The following PSMC5 variants were observed in gnomAD, a reference collection of about 807,000 sequenced individuals.
PSMC5 encodes 26S proteasome regulatory subunit 8.
Under a neutral mutation model 49.1 loss-of-function variants are expected in PSMC5, and 11 were observed. That is an observed-to-expected ratio of 0.22 (90% CI 0.14 to 0.37). PSMC5 has a LOEUF of 0.37. PSMC5 is among the 10% of genes least tolerant of loss of function. The probability of loss-of-function intolerance (pLI) is 1.00; values close to 1 mark genes in which losing one functional copy is unlikely to be tolerated. For synonymous variants in PSMC5, 206 were observed against 192.2 expected, an observed-to-expected ratio of 1.07 and a Z score of -0.59; for missense variants, 229 against 520.9, an observed-to-expected ratio of 0.44 and a Z score of 5.45.
intron 3 of PSMC5, 139 bp from the exon 4 acceptor site, chr17:63,829,713 T>C: frequency 8.3e-7 from 1 of 1,211,806 alleles, no homozygotes; most frequent in Non-Finnish European, 1.2e-6. Context: ...CTGAGCCCTA[T>C]TGTAGCCTCC....
At chr17:63,829,430 C>T in intron 2 of PSMC5, 64 bp from the exon 3 acceptor site, 1 of 1,491,358 alleles carries the variant, frequency 6.7e-7, no homozygotes, top group Admixed American at 2.0e-5. Flanking sequence ...AGGTCTTGGC[C>T]AAGATCCTAC....
At position 63,830,976 on chromosome 17, in the gene PSMC5, A is replaced by T; in HGVS notation, c.679+41A>T. The T allele has an allele frequency of 1.2e-6, 2 of 1,612,954 alleles. No individual in the cohort carries two copies. Among genetic ancestry groups the T allele is most frequent in the Non-Finnish European group, 1.7e-6 (2 of 1,179,266 alleles). ...AATGTGAGAAGCAAGAGGTAGGGGTAGGGGGTTAGAGAGCTAATAAGCTAA... is the reference window on the plus strand; with the variant it reads ...AATGTGAGAAGCAAGAGGTAGGGGTTGGGGGTTAGAGAGCTAATAAGCTAA... On this transcript the variant is annotated intron_variant, in intron 7 of 11. Transcript: ENST00000310144. This position sits in a 1 kb window ranked among gnomAD's most constrained non-coding sequence, Gnocchi z 4.0.
Position 63,829,892 on chromosome 17 carries a change from G to C in PSMC5, c.207G>C (p.Gln69His), listed in dbSNP as rs751301920. ...AGGAGCTACAGCTGCTGCAGGAGCAGGGCTCCTATGTGGGGGAAGTAGTCC... is the reference window on the plus strand; with the variant it reads ...AGGAGCTACAGCTGCTGCAGGAGCACGGCTCCTATGTGGGGGAAGTAGTCC... ...LREELQLLQE[Q>H]GSYVGEVVRA... The change falls in exon 4 of 12, where the codon CAG (glutamine) becomes CAC (histidine). Residue 69 changes from glutamine (Q) to histidine (H), a missense_variant. Gln to His is a conservative substitution (Grantham distance 24, BLOSUM62 0). Coordinates refer to ENST00000310144, the MANE Select transcript of PSMC5 (RefSeq NM_002805.6). The C allele has an allele frequency of 6.2e-7, 1 of 1,614,032 alleles. No individual in the cohort carries two copies. The highest frequency in any genetic ancestry group is 8.5e-7 in the Non-Finnish European group (1 of 1,179,946).
chr17:63,829,631 C>A, intron 3 of PSMC5, 68 bp downstream of exon 3: 1 of 1,463,154 alleles, frequency 6.8e-7, no homozygotes, highest in Non-Finnish European at 9.4e-7. Flanking sequence ...TCTCCCTGCA[C>A]TGTGTCTTCA....
rs758535750 is a variant in PSMC5, at chr17:63,831,127, G to A, written c.771G>A (p.Ser257=). ...ACGAAATCGACTCCATCGGCTCCTC[G>A]CGGCTGGAGGGGGGTTCTGGAGGGG... The part of the protein sequence containing the change: ...FMDEIDSIGS[S]RLEGGSGGDS... The change falls in exon 8 of 12, where the codon TCG becomes TCA. Residue 257 remains serine, a synonymous_variant. Coordinates refer to ENST00000310144, the MANE Select transcript of PSMC5 (RefSeq NM_002805.6). The surrounding 1 kb of genome is among the most constrained non-coding windows in gnomAD (Gnocchi z 6.3). 17 of 1,567,504 alleles carry A rather than the reference G, an allele frequency of 1.1e-5. 1 individual carries two copies. The highest frequency in any genetic ancestry group is 3.4e-4 in the Middle Eastern group (2 of 5,840).
In PSMC5 at chr17:63,831,007, T is replaced by C; in HGVS notation, c.680-29T>C. ...TTAGAGAGCTAATAAGCTAATAAGC[T>C]CCCTAACACCAGCTCGGCCTCCACA... On this transcript the variant is annotated intron_variant, in intron 7 of 11. Transcript: ENST00000310144. The surrounding 1 kb of genome is among the most constrained non-coding windows in gnomAD (Gnocchi z 6.3). 6.2e-7 allele frequency: 1 copy of C among 1,602,206 alleles called. No individual in the cohort carries two copies. The highest frequency in any genetic ancestry group is 8.5e-7 in the Non-Finnish European group (1 of 1,173,030).
At chr17:63,827,834 A>G (rs1289396605) in intron 1 of PSMC5, 1 of 1,429,214 alleles carries the variant, frequency 7.0e-7, no homozygotes, top group Non-Finnish European at 9.1e-7. Context: ...GTCAGTACTG[A>G]CACCTCGGGC....
chr17:63,829,427 G>C, intron 2 of PSMC5, 67 bp from the exon 3 acceptor site: 1 of 1,462,108 alleles, frequency 6.8e-7, no homozygotes. Context: ...GTGAGGTCTT[G>C]GCCAAGATCC....
rs751480175 is a variant in PSMC5, at chr17:63,831,499, T to C, written c.970-7T>C. 2.5e-6 allele frequency: 4 copies of C among 1,613,858 alleles called. No homozygotes were observed. In the African/African-American group the frequency reaches 5.3e-5, roughly 22 times the overall value. Reference sequence around the variant, plus strand: ...GTGGGGCTCAGGCTTTTCCTTGCCATCTCCAGGCCCGGCTGGACATTTTGA... The same window carrying C: ...GTGGGGCTCAGGCTTTTCCTTGCCACCTCCAGGCCCGGCTGGACATTTTGA... On this transcript the variant is annotated splice_polypyrimidine_tract_variant and splice_region_variant and intron_variant, in intron 9 of 11. Coordinates refer to ENST00000310144, the MANE Select transcript of PSMC5 (RefSeq NM_002805.6). The surrounding 1 kb of genome is among the most constrained non-coding windows in gnomAD (Gnocchi z 6.3).
In PSMC5 at chr17:63,828,310, G is replaced by A; in HGVS notation, c.96+101G>A. On this transcript the variant is annotated intron_variant, in intron 2 of 11. Transcript: ENST00000310144. ...TTCCTTTGGGAGTGCAGTGGAAGAA[G>A]CTGCTGCTTCTCCTTTCTTGTTTGT... 6.0e-6 allele frequency: 7 copies of A among 1,165,006 alleles called. No individual in the cohort carries two copies. The South Asian group carries it at 8.4e-5, about 14-fold the overall frequency. 72.2% of individuals were successfully genotyped at this position (1,165,006 alleles called of 1,614,324 possible). A position where few individuals can be genotyped will look rare whatever the true frequency, so the allele number is the denominator to read the frequency against.
chr17:63,831,994 T>C lies in PSMC5; in HGVS notation c.*25T>C. 3.1e-6 allele frequency: 5 copies of C among 1,606,902 alleles called. No individual in the cohort carries two copies. Among genetic ancestry groups the C allele is most frequent in the Non-Finnish European group, 3.4e-6 (4 of 1,173,468 alleles). ...AGTGGACAGCCTTTGTGTGTATCTC[T>C]CCAATAAAGCTCTGTGGGCCAAGTC... On this transcript the variant is annotated 3_prime_UTR_variant, in exon 12 of 12. Coordinates refer to ENST00000310144, the MANE Select transcript of PSMC5 (RefSeq NM_002805.6). This position sits in a 1 kb window ranked among gnomAD's most constrained non-coding sequence, Gnocchi z 6.3.
chr17:63,829,981 G>A, intron 4 of PSMC5, 32 bp downstream of exon 4: 4 of 1,586,088 alleles, frequency 2.5e-6, no homozygotes, highest in South Asian at 1.2e-5. Flanking sequence ...GGACCAGCTC[G>A]GTCTCCACTG....
At position 63,831,462 on chromosome 17, in the gene PSMC5, TG is replaced by T. The variant is rs769497553; in HGVS notation, c.970-39del. 17 of 1,612,040 alleles carry T rather than the reference TG, an allele frequency of 1.1e-5. No homozygotes were observed. The highest frequency in any genetic ancestry group is 1.3e-5 in the African/African-American group (1 of 74,806). On this transcript the variant is annotated intron_variant, in intron 9 of 11. Transcript: ENST00000310144. The surrounding 1 kb of genome is among the most constrained non-coding windows in gnomAD (Gnocchi z 6.3). The stretch of plus-strand genomic sequence containing the variant: ...ACACTGTGCAAAGTGGCTCTGGCTG[TG>T]GGGGTGGGGTGTGGGGCTCAGGCTT...
In PSMC5 at chr17:63,830,765, G is replaced by C; in HGVS notation, c.553-44G>C. The C allele has an allele frequency of 6.2e-7, 1 of 1,608,658 alleles. No homozygotes were observed. Among genetic ancestry groups the C allele is most frequent in the Non-Finnish European group, 8.5e-7 (1 of 1,177,170 alleles). The stretch of plus-strand genomic sequence containing the variant: ...TCGGTAAATGTTCACTGAATGAAAT[G>C]AGGGGTGTAGCTTTCTGCCCTGAGT... On this transcript the variant is annotated intron_variant, in intron 6 of 11. Coordinates refer to ENST00000310144, the MANE Select transcript of PSMC5 (RefSeq NM_002805.6). The surrounding 1 kb of genome is among the most constrained non-coding windows in gnomAD (Gnocchi z 4.0).
intron 2 of PSMC5, 41 bp from the exon 3 acceptor site, chr17:63,829,453 C>G (rs117437442): frequency 3.2e-6 from 5 of 1,541,716 alleles, no homozygotes; most frequent in South Asian, 1.2e-5. Context: ...CCTCCTGTCT[C>G]CTGCCCTTGA....
intron 2 of PSMC5, chr17:63,829,018 T>G (rs1188251629): frequency 6.5e-6 from 1 of 154,950 alleles, no homozygotes; most frequent in Non-Finnish European, 1.4e-5. Flanking sequence ...TTCATGTGTT[T>G]TTATTCGTTC....
intron 2 of PSMC5, chr17:63,829,212 AT>A (rs1223309463): frequency 1.5e-5 from 5 of 344,752 alleles, no homozygotes; most frequent in Non-Finnish European, 2.1e-5. Flanking sequence ...CCTGCAAGAA[AT>A]TTGGTGTTAC....
intron 1 of PSMC5, 177 bp from the exon 2 acceptor site, chr17:63,827,960 GA>G: frequency 1.5e-6 from 2 of 1,294,916 alleles, no homozygotes; most frequent in Non-Finnish European, 1.0e-6. Flanking sequence ...TTAGTCCTGG[GA>G]AAATGGAGGG....
intron 1 of PSMC5, 22 bp from the exon 2 acceptor site, chr17:63,828,116 A>C (rs2040134266): frequency 6.2e-7 from 1 of 1,609,790 alleles, no homozygotes; most frequent in African/African-American, 1.3e-5. Context: ...CCTGTCGTTT[A>C]AGACTCACTC....
Sources: gnomAD v4.1 joint callset for allele counts on GRCh38, gnomAD v4.1.1 for gene constraint, Gnocchi (gnomAD v3.1) non-coding constraint, MANE v1.5 for transcripts, NCBI Gene and HGNC (gene_info 2026-07-23, HGNC 2026-07-21) for gene names.